The following PSME4 variants were observed in gnomAD, a reference collection of about 807,000 sequenced individuals.
PSME4 encodes the protein proteasome activator complex subunit 4.
Under a neutral mutation model 253.9 loss-of-function variants are expected in PSME4, and 89 were observed. The observed-to-expected ratio is 0.35, with a 90% CI of 0.30 to 0.42. PSME4 has a LOEUF of 0.42. Among genes scored for constraint, PSME4 ranks in the 10% least tolerant of loss-of-function variants. The pLI is 1.00. For missense variants in PSME4, 2,014 were observed against 2,195.2 expected (o/e 0.92, Z 1.65); for synonymous variants, 851 against 759.2 (o/e 1.12, Z -1.99).
chr2:53,937,437 A>G lies in PSME4; in HGVS notation c.649T>C (p.Phe217Leu). 2 of 1,609,974 alleles carry G rather than the reference A, an allele frequency of 1.2e-6. No homozygotes were observed. Among genetic ancestry groups the G allele is most frequent in the Non-Finnish European group, 1.7e-6 (2 of 1,177,462 alleles). The part of the protein sequence containing the change: ...MQKAITYFEI[F>L]LPTSLPPELH... Reference sequence around the variant, plus strand: ...TCTGGAGGAAGGGAGGTAGGAAGAAATATTTCAAAATAAGTGATGGCCTTT... The same window carrying G: ...TCTGGAGGAAGGGAGGTAGGAAGAAGTATTTCAAAATAAGTGATGGCCTTT... Residue 217 changes from phenylalanine to leucine, a missense_variant, in exon 5 of 47, where the codon TTT (phenylalanine) becomes CTT (leucine). Phe to Leu is a conservative substitution (Grantham distance 22). Around this residue, in one of 4 missense-constraint regions of PSME4, gnomAD observed 615 missense variants for 594.4 expected, o/e 1.03. Coordinates refer to ENST00000404125, the MANE Select transcript of PSME4 (RefSeq NM_014614.3).
At chr2:53,888,065 T>A in intron 38 of PSME4, 76 bp from the exon 39 acceptor site, 1 of 1,410,406 alleles carries the variant, frequency 7.1e-7, no homozygotes, top group South Asian at 1.6e-5. Context: ...ACAGACAATA[T>A]CTGTATTTCA....
Position 53,897,957 on chromosome 2 carries a change from T to C in PSME4, c.3519A>G (p.Leu1173=). The C allele has an allele frequency of 1.2e-6, 2 of 1,613,256 alleles. No individual in the cohort carries two copies. Among genetic ancestry groups the C allele is most frequent in the South Asian group, 2.2e-5 (2 of 91,062 alleles). Residue 1173 remains leucine (L), a synonymous_variant, in exon 31 of 47, where the codon CTA becomes CTG. Transcript: ENST00000404125. The part of the protein sequence containing the change: ...FEHIGIGLLS[L]LLRDDRVLPL... The stretch of plus-strand genomic sequence containing the variant: ...GCAACACTCGGTCATCTCTCAGCAG[T>C]AGAGACAGAAGCCCAATGCCTATAT...
At chr2:53,879,801 C>CA (rs55730803) in intron 41 of PSME4, among the ~76,000 whole-genome samples, 4,179 of 89,656 alleles carry the variant, frequency 0.047, 90 homozygotes, top group African/African-American at 0.058. Flanking sequence ...GACCCTGTCT[C>CA]AAAAAAAAAA....
chr2:53,968,094 G>A (rs1483844900), intron 1 of PSME4, among the ~76,000 whole-genome samples: 1 of 151,962 alleles, frequency 6.6e-6, no homozygotes, highest in African/African-American at 2.4e-5. Context: ...CCAACATGGT[G>A]AAACCCTGTC....
rs2104425601 is a variant in PSME4 at position 53,890,178 on chromosome 2, G to T, written c.4222C>A (p.Leu1408Met). Residue 1408 changes from leucine to methionine, a missense_variant, in exon 37 of 47, where the codon CTG becomes ATG. Transcript: ENST00000404125. Reference protein sequence around the residue: ...VEKLWELLCPLLRTALSNITV... With the variant: ...VEKLWELLCPMLRTALSNITV... ...ATATTGGACAGTGCTGTTCTAAGCAGAGGGCACAGAAGCTCCCAAAGCTTC... is the reference window on the plus strand; with the variant it reads ...ATATTGGACAGTGCTGTTCTAAGCATAGGGCACAGAAGCTCCCAAAGCTTC... 6.2e-7 allele frequency: 1 copy of T among 1,613,846 alleles called. No homozygotes were observed. The highest frequency in any genetic ancestry group is 2.2e-5 in the East Asian group (1 of 44,864).
Position 53,928,259 on chromosome 2 carries a change from G to A in PSME4, c.1361C>T (p.Thr454Ile). The A allele has an allele frequency of 6.2e-7, 1 of 1,614,172 alleles. No individual in the cohort carries two copies. ...TCCAATTACACAACTTAAAGTAGCTGTGAGCTGGTGAGGTTCTGTTAATGT... is the reference window on the plus strand; with the variant it reads ...TCCAATTACACAACTTAAAGTAGCTATGAGCTGGTGAGGTTCTGTTAATGT... ...LETLTEPHQLTATLSCVIGVA... is the reference protein window; with the variant it reads ...LETLTEPHQLIATLSCVIGVA... The change falls in exon 11 of 47, where the codon ACA (threonine) becomes ATA (isoleucine). Residue 454 changes from threonine (T) to isoleucine (I), a missense_variant. Thr to Ile is a moderately conservative substitution (Grantham distance 89). This residue lies in a region of PSME4 where 615 missense variants were observed against 594.4 expected (regional missense o/e 1.03). Coordinates refer to ENST00000404125, the MANE Select transcript of PSME4 (RefSeq NM_014614.3).
intron 3 of PSME4, among the ~76,000 whole-genome samples, chr2:53,944,548 G>A (rs970693952): frequency 1.3e-5 from 2 of 152,136 alleles, no homozygotes; most frequent in Non-Finnish European, 2.9e-5. Flanking sequence ...AAAAATAATT[G>A]TAAATATCAT....
Position 53,897,982 on chromosome 2 carries a change from T to G in PSME4, c.3494A>C (p.His1165Pro). Residue 1165 changes from histidine (H) to proline (P), a missense_variant, in exon 31 of 47, where the codon CAT becomes CCT. By Grantham distance (77) the His-to-Pro change is moderately conservative (BLOSUM62 -2). This residue lies in a region of PSME4 where 989 missense variants were observed against 1,021.1 expected (regional missense o/e 0.97). Coordinates refer to ENST00000404125, the MANE Select transcript of PSME4 (RefSeq NM_014614.3). The stretch of plus-strand genomic sequence containing the variant: ...TAGAGACAGAAGCCCAATGCCTATA[T>G]GTTCAAATTTCCAGGGCCTTAAAAG... ...EQRNLPWKFE[H>P]IGIGLLSLLL... 6.2e-7 allele frequency: 1 copy of G among 1,613,924 alleles called. No individual in the cohort carries two copies. Among genetic ancestry groups the G allele is most frequent in the Non-Finnish European group, 8.5e-7 (1 of 1,179,868 alleles).
Position 53,890,087 on chromosome 2 carries a change from G to A in PSME4, c.4296+17C>T. ...TGAATAGATCAGTTAGACAAAGAAA[G>A]ATGTAGGGTAACTTACACAGGATGT... On this transcript the variant is annotated intron_variant, in intron 37 of 46. Transcript: ENST00000404125. The A allele has an allele frequency of 6.4e-7, 1 of 1,565,728 alleles. No homozygotes were observed. Among genetic ancestry groups the A allele is most frequent in the Non-Finnish European group, 8.8e-7 (1 of 1,136,348 alleles).
At chr2:53,915,202 A>T (rs968002371) in intron 20 of PSME4, among the ~76,000 whole-genome samples, 1 of 152,118 alleles carries the variant, frequency 6.6e-6, no homozygotes, top group African/African-American at 2.4e-5. Context: ...GCACTTTTGG[A>T]TGTGGAGACA....
intron 14 of PSME4, among the ~76,000 whole-genome samples, chr2:53,925,197 A>G (rs547543150): frequency 1.1e-4 from 17 of 152,334 alleles, no homozygotes; most frequent in African/African-American, 4.1e-4. Context: ...CATTAAATAG[A>G]TCGCAAAGGG....
intron 24 of PSME4, among the ~76,000 whole-genome samples, 186 bp from the exon 25 acceptor site, chr2:53,907,054 C>T (rs986104291): frequency 3.9e-5 from 6 of 152,050 alleles, no homozygotes; most frequent in Admixed American, 1.3e-4. Context: ...TTATGGCTAA[C>T]AGTAGAAATA....
intron 42 of PSME4, among the ~76,000 whole-genome samples, chr2:53,875,205 G>A (rs1053305499): frequency 6.6e-6 from 1 of 152,180 alleles, no homozygotes. Context: ...TATAACATGT[G>A]TAATGTCTGG....
At chr2:53,963,024 AAG>A (rs1670558959) in intron 1 of PSME4, among the ~76,000 whole-genome samples, 1 of 151,782 alleles carries the variant, frequency 6.6e-6, no homozygotes, top group Non-Finnish European at 1.5e-5. Flanking sequence ...AAAAAAAAAA[AAG>A]GACACATACC....
At chr2:53,953,318 CAT>C (rs1670084664) in intron 1 of PSME4, among the ~76,000 whole-genome samples, 2 of 151,768 alleles carry the variant, frequency 1.3e-5, no homozygotes, top group Non-Finnish European at 2.9e-5. Context: ...ACAAAGAACT[CAT>C]ATCCAAATTA....
chr2:53,868,557 TATATATA>T (rs1165687361), intron 44 of PSME4, among the ~76,000 whole-genome samples: 2 of 108,954 alleles, frequency 1.8e-5, no homozygotes, highest in East Asian at 3.0e-4. Flanking sequence ...ATATTTATAA[TATATATA>T]ATATATATTA....
At chr2:53,942,152 C>T (rs1004750243) in intron 3 of PSME4, 1 of 152,536 alleles carries the variant, frequency 6.6e-6, no homozygotes, top group African/African-American at 2.4e-5. Flanking sequence ...GGTACAATCT[C>T]TCTAACCTGT....
chr2:53,930,230 G>A (rs1438517612), intron 10 of PSME4, among the ~76,000 whole-genome samples: 2 of 152,040 alleles, frequency 1.3e-5, no homozygotes, highest in South Asian at 2.1e-4. Context: ...AAAGAAAAAC[G>A]TGATAGGTCT....
At chr2:53,922,487 C>A in intron 17 of PSME4, 30 bp downstream of exon 17, 1 of 1,602,774 alleles carries the variant, frequency 6.2e-7, no homozygotes, top group South Asian at 1.1e-5. Flanking sequence ...TTTTCACAGT[C>A]ATGTTTCTTA....
Sources: gnomAD v4.1 joint callset for allele counts (sites outside exome capture counted in the v4.1 genomes callset) on GRCh38, gnomAD v4.1.1 for gene constraint, gnomAD v4.1.1 regional missense constraint, MANE v1.5 for transcripts, NCBI Gene and HGNC (gene_info 2026-07-23, HGNC 2026-07-21) for gene names.